CSMD1: variants seen among roughly 807,000 people sequenced by gnomAD.
CSMD1 encodes the protein CUB and Sushi multiple domains 1.
In CSMD1, 213 loss-of-function variants were observed where a neutral mutation model predicts 417.5. That is an observed-to-expected ratio of 0.51 (90% CI 0.46 to 0.57). CSMD1 has a LOEUF of 0.57. Among genes scored for constraint, CSMD1 ranks in the 20% least tolerant of loss-of-function variants. CSMD1 has a pLI of 0.00. For synonymous variants in CSMD1, 2,862 were observed against 1,736.8 expected, an observed-to-expected ratio of 1.65 and a Z score of -16.11; for missense variants, 6,923 against 4,529.7, an observed-to-expected ratio of 1.53 and a Z score of -15.17.
At chr8:4,578,205 C>T (rs554597899) in intron 2 of CSMD1, among the ~76,000 whole-genome samples, 5 of 151,948 alleles carry the variant, frequency 3.3e-5, no homozygotes, top group African/African-American at 7.2e-5. Context: ...CTGTTGCCCA[C>T]GCTGGAGTGC....
chr8:3,804,105 T>C (rs1014326044), intron 5 of CSMD1, among the ~76,000 whole-genome samples: 1 of 151,982 alleles, frequency 6.6e-6, no homozygotes, highest in African/African-American at 2.4e-5. Flanking sequence ...TTTTTTGTTA[T>C]ATTTTTAGTA....
In CSMD1 at chr8:4,843,700, TC is replaced by T. The variant is rs543550230; in HGVS notation, c.85+150631del. ...TTTTGGTATGTGTTTTATCTACTCT[TC>T]CAGAATATATTATTCTGTTTTACAC... is the stretch of plus-strand genomic sequence containing the variant. On this transcript the variant is annotated intron_variant, in intron 1 of 69. Transcript: ENST00000635120. Among the ~76,000 whole-genome samples the T allele has an allele frequency of 3.1e-3, 465 of 152,348 alleles. 3 individuals are homozygous for T. The highest frequency in any genetic ancestry group is 0.011 in the African/African-American group (442 of 41,588).
chr8:3,784,287 G>A (rs994138745), intron 5 of CSMD1, among the ~76,000 whole-genome samples: 5 of 152,070 alleles, frequency 3.3e-5, no homozygotes, highest in Admixed American at 2.6e-4. Flanking sequence ...AAATTTCTCA[G>A]ATAAATAATA....
intron 38 of CSMD1, among the ~76,000 whole-genome samples, chr8:3,161,781 T>C (rs950743816): frequency 2.6e-5 from 4 of 152,174 alleles, no homozygotes; most frequent in African/African-American, 7.2e-5. Flanking sequence ...TTATACTGAA[T>C]GATGAGAACA....
At chr8:4,112,060 T>C (rs1801885104) in intron 3 of CSMD1, among the ~76,000 whole-genome samples, 2 of 152,190 alleles carry the variant, frequency 1.3e-5, no homozygotes, top group South Asian at 4.1e-4. Flanking sequence ...ATTTGCAATT[T>C]TGTCTGAGGC....
intron 2 of CSMD1, among the ~76,000 whole-genome samples, chr8:4,566,709 C>T (rs1454259442): frequency 7.5e-6 from 1 of 132,786 alleles, no homozygotes; most frequent in South Asian, 2.6e-4. Context: ...TTTTGGAATA[C>T]ATATATACAA....
At chr8:4,852,174 T>C (rs150892060) in intron 1 of CSMD1, among the ~76,000 whole-genome samples, 5 of 152,350 alleles carry the variant, frequency 3.3e-5, no homozygotes, top group Admixed American at 2.6e-4. Context: ...TTTGCCAGCA[T>C]TGTTCTATAA....
At chr8:3,513,506 A>C (rs1797164269) in intron 10 of CSMD1, among the ~76,000 whole-genome samples, 2 of 152,032 alleles carry the variant, frequency 1.3e-5, no homozygotes, top group African/African-American at 4.8e-5. Flanking sequence ...CGTGTGAGTC[A>C]ATACTCCTTA....
intron 7 of CSMD1, among the ~76,000 whole-genome samples, chr8:3,638,691 G>A (rs556277560): frequency 3.3e-5 from 5 of 152,056 alleles, no homozygotes; most frequent in Non-Finnish European, 7.4e-5. Context: ...CCAGAAAGTC[G>A]ACACATGGGC....
At chr8:4,902,406 C>G (rs868149276) in intron 1 of CSMD1, among the ~76,000 whole-genome samples, 2 of 140,798 alleles carry the variant, frequency 1.4e-5, no homozygotes, top group African/African-American at 2.6e-5. Flanking sequence ...CACTTAGCAA[C>G]AGAACAAGAA....
rs573604021 is a variant in CSMD1 at position 4,798,276 on chromosome 8, C to T, written c.86-160718G>A. On this transcript the variant is annotated intron_variant, in intron 1 of 69. Coordinates refer to ENST00000635120, the MANE Select transcript of CSMD1 (RefSeq NM_033225.6). ...GAACATGCGGTGTTTGTTTTCTGTC[C>T]TTGCGCTAGTTTGCTGAGAATGATG... Among the ~76,000 whole-genome samples the T allele has an allele frequency of 2.0e-5, 3 of 152,252 alleles. No individual in the cohort carries two copies. In the East Asian group the frequency reaches 5.8e-4, roughly 29 times the overall value.
chr8:4,481,313 T>A (rs1468763089), intron 2 of CSMD1, among the ~76,000 whole-genome samples: 2 of 152,276 alleles, frequency 1.3e-5, no homozygotes, highest in Non-Finnish European at 2.9e-5. Flanking sequence ...TTTCCCATTT[T>A]TAATTATAAT....
intron 3 of CSMD1, among the ~76,000 whole-genome samples, chr8:4,185,391 A>T (rs568024781): frequency 3.3e-5 from 5 of 152,104 alleles, no homozygotes; most frequent in Non-Finnish European, 7.3e-5. Context: ...TAAAGTACCC[A>T]GAATAGTACC....
At chr8:4,090,947 C>G (rs1800686817) in intron 3 of CSMD1, among the ~76,000 whole-genome samples, 1 of 146,964 alleles carries the variant, frequency 6.8e-6, no homozygotes, top group Admixed American at 6.8e-5. Flanking sequence ...GAGATGGGGT[C>G]TTGGTCTGTC....
intron 3 of CSMD1, among the ~76,000 whole-genome samples, chr8:4,413,553 C>A (rs2128936046): frequency 6.6e-6 from 1 of 152,194 alleles, no homozygotes; most frequent in South Asian, 2.1e-4. Context: ...AGCACTAATT[C>A]TTTTAAAAAA....
At chr8:3,739,280 T>C (rs1796677667) in intron 6 of CSMD1, among the ~76,000 whole-genome samples, 1 of 152,256 alleles carries the variant, frequency 6.6e-6, no homozygotes, top group African/African-American at 2.4e-5. Flanking sequence ...CTGTAGATTG[T>C]CTTTAGAAAG....
chr8:3,029,477 T>C lies in CSMD1; in HGVS notation c.7697A>G (p.Glu2566Gly). Residue 2566 changes from glutamate (E) to glycine (G), a missense_variant, in exon 51 of 70, where the codon GAA (glutamate) becomes GGA (glycine). By Grantham distance (98) the Glu-to-Gly change is moderately conservative. Coordinates refer to ENST00000635120, the MANE Select transcript of CSMD1 (RefSeq NM_033225.6). ...ACPSIEAQLS[E>G]HVIWRLVSGS... The stretch of plus-strand genomic sequence containing the variant: ...TGAAACCAGCCTCCAGATGACATGT[T>C]CTGAGAGCTGAGCTTCAATGCTGGG... The C allele has an allele frequency of 6.2e-7, 1 of 1,605,330 alleles. No homozygotes were observed. The highest frequency in any genetic ancestry group is 8.5e-7 in the Non-Finnish European group (1 of 1,175,960).
chr8:3,738,166 G>A lies in CSMD1; in HGVS notation c.931+15764C>T, dbSNP rs144548979. Among the ~76,000 whole-genome samples, 4 of 152,154 alleles carry A rather than the reference G, an allele frequency of 2.6e-5. No individual in the cohort carries two copies. The East Asian group carries it at 5.8e-4, about 22-fold the overall frequency. On this transcript the variant is annotated intron_variant, in intron 6 of 69. Transcript: ENST00000635120. ...GTAGACATGTGTAATAAAAATATAT[G>A]CCCTTTGATCTATACATTTAATAAG...
chr8:3,408,361 G>C (rs183265771), intron 13 of CSMD1, 136 bp from the exon 14 acceptor site: 1 of 647,138 alleles, frequency 1.5e-6, no homozygotes, highest in Admixed American at 3.0e-5. Flanking sequence ...TTTAATATAA[G>C]TAATTCTGGA....
Sources: allele counts gnomAD v4.1 joint callset (sites outside exome capture counted in the v4.1 genomes callset), GRCh38; gene constraint gnomAD v4.1.1; transcripts MANE v1.5; gene names NCBI Gene and HGNC (gene_info 2026-07-23, HGNC 2026-07-21).